The following FCHSD2 variants were observed in gnomAD, a reference collection of about 807,000 sequenced individuals.
FCHSD2 encodes the protein FCH and double SH3 domains 2, also known as F-BAR and double SH3 domains protein 2.
In FCHSD2, 38 loss-of-function variants were observed where a neutral mutation model predicts 108.1. That is an observed-to-expected ratio of 0.35 (90% CI 0.27 to 0.46). The LOEUF (loss-of-function observed/expected upper bound fraction) is 0.46. FCHSD2 is among the 20% of genes least tolerant of loss of function. FCHSD2 has a pLI of 1.00. For missense variants in FCHSD2, 751 were observed against 897.8 expected, an observed-to-expected ratio of 0.84 and a Z score of 2.09; for synonymous variants, 279 against 314.7, an observed-to-expected ratio of 0.89 and a Z score of 1.20.
intron 3 of FCHSD2, among the ~76,000 whole-genome samples, chr11:73,031,742 T>C (rs1309392123): frequency 1.3e-5 from 2 of 152,200 alleles, no homozygotes; most frequent in African/African-American, 4.8e-5. Context: ...ATTCTATTTC[T>C]CACCATTGAT....
At chr11:72,946,784 T>C (rs960796761) in intron 8 of FCHSD2, among the ~76,000 whole-genome samples, 24 of 152,180 alleles carry the variant, frequency 1.6e-4, no homozygotes, top group Non-Finnish European at 2.4e-4. Flanking sequence ...GTAGACAACA[T>C]TTTCATTTTA....
intron 2 of FCHSD2, among the ~76,000 whole-genome samples, chr11:73,112,628 A>G (rs1456540646): frequency 6.6e-6 from 1 of 151,790 alleles, no homozygotes; most frequent in Non-Finnish European, 1.5e-5. Flanking sequence ...TAACTCTTAG[A>G]TTTGCCTTTT....
In FCHSD2 at chr11:73,045,245, G is replaced by A. The variant is rs536427759; in HGVS notation, c.166-29360C>T. ...ACCATCTCACACCAGTTAGAATGGC[G>A]ATCATTAAAAAGTCAGGAAACAACA... On this transcript the variant is annotated intron_variant, in intron 3 of 19. Transcript: ENST00000409418. Among the ~76,000 whole-genome samples the A allele has an allele frequency of 8.9e-3, 1,337 of 149,930 alleles. 5 individuals carry two copies. The highest frequency in any genetic ancestry group is 0.017 in the South Asian group (81 of 4,746).
chr11:72,944,052 G>A (rs1856472132), intron 8 of FCHSD2, among the ~76,000 whole-genome samples: 1 of 152,134 alleles, frequency 6.6e-6, no homozygotes, highest in South Asian at 2.1e-4. Context: ...CATTTTATGA[G>A]GCCAGCATCA....
chr11:73,109,228 AT>A (rs908781297), intron 2 of FCHSD2, among the ~76,000 whole-genome samples: 1 of 152,152 alleles, frequency 6.6e-6, no homozygotes, highest in African/African-American at 2.4e-5. Context: ...TTCCATATAT[AT>A]TTTAGAATTG....
At chr11:73,094,041 T>C (rs1418188740) in intron 2 of FCHSD2, among the ~76,000 whole-genome samples, 1 of 152,020 alleles carries the variant, frequency 6.6e-6, no homozygotes, top group Non-Finnish European at 1.5e-5. Flanking sequence ...TAAAACCCCG[T>C]CTCTACTAAA....
At chr11:72,909,977 G>A (rs1195145138) in intron 9 of FCHSD2, among the ~76,000 whole-genome samples, 1 of 146,020 alleles carries the variant, frequency 6.8e-6, no homozygotes. Context: ...TGGGAGGTGA[G>A]GAGCACCTCT....
chr11:73,117,644 T>TTTTGTTTGTTTTTAGTTTGCA (rs1860635160), intron 2 of FCHSD2, among the ~76,000 whole-genome samples: 1 of 152,174 alleles, frequency 6.6e-6, no homozygotes, highest in African/African-American at 2.4e-5. Context: ...CAAGCACAAG[T>TTTTGTTTGTTTTTAGTTTGCA]AGGGGAATGG....
At chr11:73,050,632 T>C (rs1233079443) in intron 3 of FCHSD2, among the ~76,000 whole-genome samples, 1 of 152,206 alleles carries the variant, frequency 6.6e-6, no homozygotes, top group Non-Finnish European at 1.5e-5. Context: ...CTAAGACTGC[T>C]GTCCTTAAAC....
chr11:72,908,535 C>G (rs1237862366), intron 9 of FCHSD2, among the ~76,000 whole-genome samples: 3 of 152,200 alleles, frequency 2.0e-5, no homozygotes, highest in Non-Finnish European at 2.9e-5. Context: ...CACATCCTCA[C>G]CAGCATCTGT....
At chr11:72,981,915 A>C (rs1857222543) in intron 8 of FCHSD2, among the ~76,000 whole-genome samples, 1 of 152,232 alleles carries the variant, frequency 6.6e-6, no homozygotes, top group Non-Finnish European at 1.5e-5. Context: ...CAGGAGGTTC[A>C]GGTTGCAGTG....
intron 8 of FCHSD2, among the ~76,000 whole-genome samples, chr11:72,925,569 A>G (rs1856059582): frequency 6.6e-6 from 1 of 152,226 alleles, no homozygotes; most frequent in East Asian, 1.9e-4. Context: ...CACTTCATAA[A>G]GACATTCAAG....
intron 8 of FCHSD2, among the ~76,000 whole-genome samples, chr11:72,977,714 T>C (rs1401028530): frequency 6.6e-6 from 1 of 152,226 alleles, no homozygotes; most frequent in Non-Finnish European, 1.5e-5. Context: ...GGAACACTTT[T>C]ACACTGTTGG....
intron 4 of FCHSD2, among the ~76,000 whole-genome samples, chr11:73,005,122 C>T (rs1262237779): frequency 4.6e-5 from 7 of 152,216 alleles, no homozygotes; most frequent in Non-Finnish European, 1.0e-4. Context: ...TCTACTGGAG[C>T]ATTCTTATGA....
chr11:73,085,513 T>C (rs1859794355), intron 2 of FCHSD2, among the ~76,000 whole-genome samples: 1 of 152,180 alleles, frequency 6.6e-6, no homozygotes, highest in African/African-American at 2.4e-5. Flanking sequence ...TCTCCCTTAA[T>C]TTTTCTCTTT....
chr11:73,004,040 C>T (rs1017893055), intron 4 of FCHSD2, among the ~76,000 whole-genome samples: 6 of 121,694 alleles, frequency 4.9e-5, no homozygotes, highest in African/African-American at 1.9e-4. Context: ...AACTGGAAGG[C>T]GGAGGTTGCA....
At chr11:73,104,016 T>C (rs181847422) in intron 2 of FCHSD2, among the ~76,000 whole-genome samples, 1 of 152,338 alleles carries the variant, frequency 6.6e-6, no homozygotes, top group African/African-American at 2.4e-5. Flanking sequence ...AAATAAATGT[T>C]TTCTGTTATT....
At chr11:73,075,504 A>G (rs550600291) in intron 3 of FCHSD2, among the ~76,000 whole-genome samples, 14 of 152,386 alleles carry the variant, frequency 9.2e-5, no homozygotes, top group Admixed American at 5.2e-4. Context: ...CACAATGCAA[A>G]GCAGAAATGC....
intron 4 of FCHSD2, among the ~76,000 whole-genome samples, chr11:73,010,207 G>A (rs1336945285): frequency 6.6e-6 from 1 of 151,934 alleles, no homozygotes; most frequent in Non-Finnish European, 1.5e-5. Flanking sequence ...AATGTATTTT[G>A]TATTTCATTC....
Sources: gnomAD v4.1 joint callset for allele counts (sites outside exome capture counted in the v4.1 genomes callset) on GRCh38, gnomAD v4.1.1 for gene constraint, MANE v1.5 for transcripts, NCBI Gene and HGNC (gene_info 2026-07-23, HGNC 2026-07-21) for gene names.